SGO2: variants seen among roughly 807,000 people sequenced by gnomAD.
SGO2 encodes shugoshin 2.
A neutral mutation model predicts 99.5 loss-of-function variants in SGO2; 68 were observed. The ratio of observed to expected loss-of-function variants is 0.68; its 90% CI spans 0.56 to 0.84. The LOEUF (loss-of-function observed/expected upper bound fraction) is 0.84. SGO2 is among the 40% of genes least tolerant of loss of function. The pLI is 0.00. For missense variants in SGO2, 1,350 were observed against 1,436.7 expected (o/e 0.94, Z 0.97); for synonymous variants, 457 against 487.1 (o/e 0.94, Z 0.81).
chr2:200,575,377 A>G lies in SGO2; in HGVS notation c.3698A>G (p.Asn1233Ser), dbSNP rs201853811. 17 of 1,608,886 alleles carry G rather than the reference A, an allele frequency of 1.1e-5. No homozygotes were observed. In the Admixed American group the frequency reaches 2.7e-4, roughly 25 times the overall value. ...FVSNNTAESE[N>S]KSEDLSSERT... ...TCAAATAACACTGCTGAATCTGAAA[A>G]TAAGTCAGAAGATCTATCTTCAGAA... Residue 1233 changes from asparagine to serine, a missense_variant, in exon 8 of 9, where the codon AAT becomes AGT. By Grantham distance (46) the Asn-to-Ser change is conservative. Transcript: ENST00000357799.
At chr2:200,560,510 A>AT (rs1373836416) in intron 5 of SGO2, among the ~76,000 whole-genome samples, 1 of 151,636 alleles carries the variant, frequency 6.6e-6, no homozygotes, top group East Asian at 1.9e-4. Context: ...TTGTCAAATG[A>AT]TTTTTTTGCA....
rs754603607 is a variant in SGO2 at position 200,533,042 on chromosome 2, AAAAGAATTTC to A, written c.73_82del (p.Ile25LeufsTer4). 1 of 1,607,188 alleles carries A rather than the reference AAAAGAATTTC, an allele frequency of 6.2e-7. No individual in the cohort carries two copies. Among genetic ancestry groups the A allele is most frequent in the Non-Finnish European group, 8.5e-7 (1 of 1,178,072 alleles). The stretch of plus-strand genomic sequence containing the variant: ...AGGAATTAAGAGACATTTGAAAGAC[AAAAGAATTTC>A]AAAGACTACTAAGTTGAATGTTTCT... On this transcript the variant is annotated frameshift_variant, in exon 2 of 9. Coordinates refer to ENST00000357799, the MANE Select transcript of SGO2 (RefSeq NM_152524.6). LOFTEE classifies it high-confidence loss of function.
Position 200,575,040 on chromosome 2 carries a change from TC to T in SGO2, c.3632-270del, listed in dbSNP as rs553156082. 5.9e-4 allele frequency among the ~76,000 whole-genome samples: 90 copies of T among 152,212 alleles called. 4 individuals are homozygous for T. The South Asian group carries it at 0.017, about 29-fold the overall frequency. ...ATGGTGCCTTACACAGAGTGAGTGA[TC>T]AATGGCATATATGTTGAATGAACTG... On this transcript the variant is annotated intron_variant, in intron 7 of 8. Coordinates refer to ENST00000357799, the MANE Select transcript of SGO2 (RefSeq NM_152524.6).
intron 5 of SGO2, among the ~76,000 whole-genome samples, chr2:200,566,464 G>A (rs1014755557): frequency 2.0e-5 from 3 of 152,184 alleles, no homozygotes; most frequent in Non-Finnish European, 2.9e-5. Flanking sequence ...GGCCATATGA[G>A]GTGTCAGTCG....
At chr2:200,576,176 G>A in intron 8 of SGO2, 4 of 265,770 alleles carry the variant, frequency 1.5e-5, no homozygotes, top group South Asian at 3.3e-5. Context: ...TATAAGGCAG[G>A]GTAAAAGAAA....
chr2:200,580,417 C>G (rs2033803398), intron 8 of SGO2: 1 of 378,682 alleles, frequency 2.6e-6, no homozygotes, highest in South Asian at 2.0e-5. Context: ...TTTCTGTTCT[C>G]TACTTCACTG....
At chr2:200,581,945 G>C (rs2033853586) in intron 8 of SGO2, among the ~76,000 whole-genome samples, 1 of 152,076 alleles carries the variant, frequency 6.6e-6, no homozygotes. Flanking sequence ...CTCTGAAGAG[G>C]AGTACGAAGG....
At chr2:200,529,566 A>C (rs1310875233) in intron 1 of SGO2, among the ~76,000 whole-genome samples, 1 of 152,192 alleles carries the variant, frequency 6.6e-6, no homozygotes, top group Non-Finnish European at 1.5e-5. Flanking sequence ...TCTGTCACCC[A>C]GGCTGGAGTG....
In SGO2 at chr2:200,532,278, T is replaced by TTTTG. The variant is rs2031436259; in HGVS notation, c.-2-693_-2-692insGTTT. On this transcript the variant is annotated intron_variant, in intron 1 of 8. Transcript: ENST00000357799. ...GCAGGTGACAGAGTTTTTTGTTTTT[T>TTTTG]TTTTTGTTTTTTTTTTTTTTTCAGA... 1.0e-5 allele frequency: 4 copies of TTTTG among 391,696 alleles called. No homozygotes were observed. The African/African-American group carries it at 1.0e-4, about 10-fold the overall frequency. The allele number at this position is 391,696 out of a possible 1,614,324, so 24.3% of individuals were successfully genotyped here. A position where few individuals can be genotyped will look rare whatever the true frequency, so the allele number is the denominator to read the frequency against.
intron 5 of SGO2, among the ~76,000 whole-genome samples, chr2:200,554,150 G>A (rs570576480): frequency 2.0e-5 from 3 of 152,146 alleles, no homozygotes. Context: ...AGAGAAATCA[G>A]GTAGAGAGAA....
intron 1 of SGO2, among the ~76,000 whole-genome samples, chr2:200,531,562 A>C (rs890566004): frequency 2.6e-5 from 4 of 152,054 alleles, no homozygotes; most frequent in Non-Finnish European, 4.4e-5. Flanking sequence ...CAGAGAAGAG[A>C]TTGAGGCTGT....
intron 5 of SGO2, among the ~76,000 whole-genome samples, chr2:200,563,561 T>C (rs1181413927): frequency 2.0e-5 from 3 of 152,228 alleles, no homozygotes; most frequent in East Asian, 1.9e-4. Flanking sequence ...ATCAGGATGA[T>C]GCTGGCCTCA....
At chr2:200,551,828 C>G (rs1270164254) in intron 5 of SGO2, among the ~76,000 whole-genome samples, 1 of 152,104 alleles carries the variant, frequency 6.6e-6, no homozygotes, top group African/African-American at 2.4e-5. Flanking sequence ...TTTCTAAACT[C>G]ACTATTCTAT....
Position 200,572,583 on chromosome 2 carries a change from T to C in SGO2, c.2237T>C (p.Leu746Ser), listed in dbSNP as rs1276011632. 17 of 1,612,826 alleles carry C rather than the reference T, an allele frequency of 1.1e-5. No homozygotes were observed. Among genetic ancestry groups the C allele is most frequent in the Non-Finnish European group, 1.4e-5 (17 of 1,179,284 alleles). The change falls in exon 7 of 9, where the codon TTA (leucine) becomes TCA (serine). Residue 746 changes from leucine to serine, a missense_variant. Coordinates refer to ENST00000357799, the MANE Select transcript of SGO2 (RefSeq NM_152524.6). ...EYTVKSHSLF[L>S]TQKDKEIIPG... ...ACAGTTAAAAGTCACTCACTCTTTT[T>C]AACGCAAAAAGATAAGGAAATCATC...
intron 5 of SGO2, among the ~76,000 whole-genome samples, chr2:200,561,751 C>T (rs1305710716): frequency 6.6e-6 from 1 of 152,120 alleles, no homozygotes; most frequent in Non-Finnish European, 1.5e-5. Context: ...GATCGCCATT[C>T]TAACTGGTGT....
At chr2:200,532,895 T>C in intron 1 of SGO2, 79 bp from the exon 2 acceptor site, 1 of 1,372,096 alleles carries the variant, frequency 7.3e-7, no homozygotes, top group Non-Finnish European at 9.9e-7. Flanking sequence ...GTCATGATTG[T>C]TACTTTTTAA....
intron 7 of SGO2, among the ~76,000 whole-genome samples, chr2:200,574,572 C>T (rs1049195148): frequency 3.3e-5 from 5 of 152,024 alleles, no homozygotes; most frequent in Non-Finnish European, 7.4e-5. Context: ...AATCTTCAAA[C>T]GCATCCTTAA....
intron 5 of SGO2, among the ~76,000 whole-genome samples, chr2:200,557,402 A>G (rs2032762693): frequency 6.6e-6 from 1 of 152,064 alleles, no homozygotes. Context: ...AAAGTTGGCC[A>G]ATTGGTGCTG....
Position 200,571,719 on chromosome 2 carries a change from C to T in SGO2, c.1373C>T (p.Ala458Val). ...PGFIFNNEQLAQMNEQLAQVN... is the reference protein window; with the variant it reads ...PGFIFNNEQLVQMNEQLAQVN... ...TTTATTTTCAATAATGAACAGCTGG[C>T]TCAGATGAATGAACAGCTGGCTCAG... The change falls in exon 7 of 9, where the codon GCT becomes GTT. Residue 458 changes from alanine (A) to valine (V), a missense_variant. Transcript: ENST00000357799. 2 of 1,613,376 alleles carry T rather than the reference C, an allele frequency of 1.2e-6. No individual in the cohort carries two copies. Among genetic ancestry groups the T allele is most frequent in the Non-Finnish European group, 8.5e-7 (1 of 1,179,664 alleles).
Sources: gnomAD v4.1 joint callset for allele counts (sites outside exome capture counted in the v4.1 genomes callset) on GRCh38, gnomAD v4.1.1 for gene constraint, MANE v1.5 for transcripts, NCBI Gene and HGNC (gene_info 2026-07-23, HGNC 2026-07-21) for gene names.